The following TEAD1 variants were observed in gnomAD, a reference collection of about 807,000 sequenced individuals.
TEAD1 encodes the protein TEA domain transcription factor 1, also known as transcriptional enhancer factor TEF-1.
TEAD1 carries 9 observed loss-of-function variants against 54.9 expected under a neutral mutation model. The ratio of observed to expected loss-of-function variants is 0.16; its 90% CI spans 0.10 to 0.29. The LOEUF (loss-of-function observed/expected upper bound fraction) is 0.29. Among genes scored for constraint, TEAD1 ranks in the 10% least tolerant of loss-of-function variants. The pLI, the probability that TEAD1 is intolerant of heterozygous loss-of-function variation, is 1.00. For synonymous variants in TEAD1, 200 were observed against 187.8 expected, an observed-to-expected ratio of 1.07 and a Z score of -0.53; for missense variants, 387 against 535.9, an observed-to-expected ratio of 0.72 and a Z score of 2.74.
Position 12,837,649 on chromosome 11 carries a change from CTCTT to C in TEAD1, c.203-24597_203-24594del, listed in dbSNP as rs558988623. Among the ~76,000 whole-genome samples the C allele has an allele frequency of 2.9e-3, 436 of 150,782 alleles. 5 individuals carry two copies. In the South Asian group the frequency reaches 0.037, roughly 13 times the overall value. ...CTTTGTGTTCACGCATCTCTGGTCTCTCTTTCTCTCCTTCTTCTTCCTTCTTCCT... is the reference window on the plus strand; with the variant it reads ...CTTTGTGTTCACGCATCTCTGGTCTCTCTCTCCTTCTTCTTCCTTCTTCCT... On this transcript the variant is annotated intron_variant, in intron 3 of 12. Transcript: ENST00000527636.
At chr11:12,734,739 G>T (rs1220791843) in intron 2 of TEAD1, among the ~76,000 whole-genome samples, 1 of 152,052 alleles carries the variant, frequency 6.6e-6, no homozygotes, top group African/African-American at 2.4e-5. Flanking sequence ...GAAACAATAG[G>T]CTATAACTGT....
At chr11:12,890,494 C>T (rs1458879024) in intron 9 of TEAD1, among the ~76,000 whole-genome samples, 1 of 152,144 alleles carries the variant, frequency 6.6e-6, no homozygotes. Context: ...TTCTTAGCAG[C>T]TGTTTGAGAT....
intron 3 of TEAD1, among the ~76,000 whole-genome samples, chr11:12,782,564 C>T (rs2133950174): frequency 6.6e-6 from 1 of 152,258 alleles, no homozygotes; most frequent in East Asian, 1.9e-4. Flanking sequence ...GTAATGCTTA[C>T]ACAACTCTGT....
At position 12,879,816 on chromosome 11, in the gene TEAD1, C is replaced by T. The variant is rs371810508; in HGVS notation, c.439C>T (p.Arg147Cys). Residue 147 changes from arginine (R) to cysteine (C), a missense_variant, in exon 6 of 13, where the codon CGC becomes TGC. Around this residue, in one of 5 missense-constraint regions of TEAD1, gnomAD observed 180 missense variants for 180.6 expected, o/e 1.00. Coordinates refer to ENST00000527636, the MANE Select transcript of TEAD1 (RefSeq NM_021961.6). ...CAAGCTGGGGCTGCCTGGGATTCCA[C>T]GCCCGACCTTCCCAGGGGCGCCGGG... 2.2e-5 allele frequency: 35 copies of T among 1,613,812 alleles called. No individual in the cohort carries two copies. Among genetic ancestry groups the T allele is most frequent in the South Asian group, 5.5e-5 (5 of 91,084 alleles).
At chr11:12,793,294 A>AT (rs919124733) in intron 3 of TEAD1, among the ~76,000 whole-genome samples, 4 of 151,952 alleles carry the variant, frequency 2.6e-5, no homozygotes, top group South Asian at 2.1e-4. Flanking sequence ...AAGGATAGAT[A>AT]TTTTTTTTAA....
chr11:12,723,697 T>G (rs944421843), intron 2 of TEAD1, among the ~76,000 whole-genome samples: 2 of 152,218 alleles, frequency 1.3e-5, no homozygotes, highest in Non-Finnish European at 2.9e-5. Context: ...GATCAGCTTT[T>G]AGTCATGCTC....
At chr11:12,920,559 A>C (rs1948786470) in intron 10 of TEAD1, among the ~76,000 whole-genome samples, 1 of 152,072 alleles carries the variant, frequency 6.6e-6, no homozygotes, top group Admixed American at 6.6e-5. Context: ...GCTGGTCTCA[A>C]ACTCCTGGGC....
At chr11:12,866,428 C>A (rs1947618835) in intron 5 of TEAD1, among the ~76,000 whole-genome samples, 1 of 152,172 alleles carries the variant, frequency 6.6e-6, no homozygotes, top group African/African-American at 2.4e-5. Flanking sequence ...CTCTTCTGTT[C>A]AGAAGGGATT....
At chr11:12,864,560 C>G (rs1335102200) in intron 4 of TEAD1, 1 of 696,206 alleles carries the variant, frequency 1.4e-6, no homozygotes, top group Non-Finnish European at 2.1e-6. Context: ...AAATAACCAC[C>G]CCCCAACCCC....
At chr11:12,768,603 A>G (rs574847843) in intron 3 of TEAD1, among the ~76,000 whole-genome samples, 2 of 152,060 alleles carry the variant, frequency 1.3e-5, no homozygotes. Flanking sequence ...GGGCTGTCTG[A>G]CTCTACATCT....
At chr11:12,844,807 GATT>G (rs1270317039) in intron 3 of TEAD1, among the ~76,000 whole-genome samples, 1 of 152,020 alleles carries the variant, frequency 6.6e-6, no homozygotes, top group Non-Finnish European at 1.5e-5. Flanking sequence ...GCACTTTTGG[GATT>G]ATTGTGATTA....
At chr11:12,929,846 C>A (rs1057226002) in intron 11 of TEAD1, among the ~76,000 whole-genome samples, 1 of 152,158 alleles carries the variant, frequency 6.6e-6, no homozygotes, top group African/African-American at 2.4e-5. Flanking sequence ...TAGCTGGGGC[C>A]TGCTCTTACA....
intron 2 of TEAD1, among the ~76,000 whole-genome samples, chr11:12,763,906 G>C (rs1391946033): frequency 2.0e-5 from 3 of 152,024 alleles, no homozygotes; most frequent in African/African-American, 7.3e-5. Context: ...TTTCTGTGTG[G>C]GTGCTTAATA....
intron 2 of TEAD1, among the ~76,000 whole-genome samples, chr11:12,746,109 C>T (rs1944741370): frequency 6.6e-6 from 1 of 152,204 alleles, no homozygotes. Flanking sequence ...TAACTCCCTA[C>T]AGTGATTGAA....
At chr11:12,855,087 A>C (rs1303390989) in intron 3 of TEAD1, among the ~76,000 whole-genome samples, 4 of 152,156 alleles carry the variant, frequency 2.6e-5, no homozygotes, top group African/African-American at 9.7e-5. Context: ...CAGGTTAGTT[A>C]ATAAATGTTC....
chr11:12,922,960 G>T (rs2955252), intron 10 of TEAD1: 115,169 of 142,432 alleles, frequency 0.81, 46,322 homozygotes, highest in East Asian at 0.97. Context: ...GTGCCAAACC[G>T]CACAAAATAT....
intron 4 of TEAD1, among the ~76,000 whole-genome samples, chr11:12,863,004 C>T (rs909281081): frequency 7.4e-5 from 11 of 149,618 alleles, no homozygotes; most frequent in African/African-American, 2.7e-4. Flanking sequence ...TAGTGTTTAA[C>T]TAAAAACAAA....
At chr11:12,871,641 T>C (rs1408580071) in intron 5 of TEAD1, among the ~76,000 whole-genome samples, 4 of 152,108 alleles carry the variant, frequency 2.6e-5, no homozygotes, top group African/African-American at 9.7e-5. Flanking sequence ...TCTTGCTGTT[T>C]TCAGAAGCTC....
intron 10 of TEAD1, among the ~76,000 whole-genome samples, chr11:12,902,760 C>G (rs891840332): frequency 2.6e-5 from 4 of 152,070 alleles, no homozygotes; most frequent in African/African-American, 9.7e-5. Flanking sequence ...CCTAAGCGAC[C>G]TGGTTCCAGG....
Sources: gnomAD v4.1 joint callset for allele counts (sites outside exome capture counted in the v4.1 genomes callset) on GRCh38, gnomAD v4.1.1 for gene constraint, gnomAD v4.1.1 regional missense constraint, MANE v1.5 for transcripts, NCBI Gene and HGNC (gene_info 2026-07-23, HGNC 2026-07-21) for gene names.